The following PPP1R21 variants were observed in gnomAD, a reference collection of about 807,000 sequenced individuals.
PPP1R21 encodes the protein KLRAQ motif containing 1.
A neutral mutation model predicts 112.8 loss-of-function variants in PPP1R21; 85 were observed. The observed-to-expected ratio is 0.75, with a 90% CI of 0.63 to 0.90. The LOEUF (loss-of-function observed/expected upper bound fraction) is 0.90, where lower values mean the gene tolerates loss of function less well. PPP1R21 is among the 40% of genes least tolerant of loss of function. The pLI, the probability that PPP1R21 is intolerant of heterozygous loss-of-function variation, is 0.00. For missense variants in PPP1R21, 1,199 were observed against 901.5 expected, an observed-to-expected ratio of 1.33 and a Z score of -4.23; for synonymous variants, 381 against 322.3, an observed-to-expected ratio of 1.18 and a Z score of -1.95.
At chr2:48,453,176 A>G (rs1035850450) in intron 2 of PPP1R21, among the ~76,000 whole-genome samples, 4 of 150,954 alleles carry the variant, frequency 2.6e-5, no homozygotes, top group South Asian at 2.1e-4. Flanking sequence ...CCAGTTTCAA[A>G]CTCCTGACCT....
chr2:48,486,649 G>C lies in PPP1R21; in HGVS notation c.1337G>C (p.Ser446Thr), dbSNP rs1279129125. The C allele has an allele frequency of 1.2e-6, 2 of 1,611,312 alleles. No individual in the cohort carries two copies. ...TTTATAGATATTTCCAAACATTATA[G>C]TCAAAAAGCTGCAATAGAGCATGAA... ...DVMKDISKHYSQKAAIEHELP... is the reference protein window; with the variant it reads ...DVMKDISKHYTQKAAIEHELP... The change falls in exon 14 of 22, where the codon AGT becomes ACT. Residue 446 changes from serine (S) to threonine (T), a missense_variant. Coordinates refer to ENST00000294952, the MANE Select transcript of PPP1R21 (RefSeq NM_001135629.3).
chr2:48,463,121 G>GA lies in PPP1R21; in HGVS notation c.695-1813dup, dbSNP rs199516168. On this transcript the variant is annotated intron_variant, in intron 7 of 21. Coordinates refer to ENST00000294952, the MANE Select transcript of PPP1R21 (RefSeq NM_001135629.3). ...ACTGCTGATGTATGCCTTTCTAAAT[G>GA]AAAGACTAGACTTTGGCAGAGAAAC... is the stretch of plus-strand genomic sequence containing the variant. Among the ~76,000 whole-genome samples, 1,437 of 152,296 alleles carry GA rather than the reference G, an allele frequency of 9.4e-3. 15 individuals are homozygous for GA. Among genetic ancestry groups the GA allele is most frequent in the Non-Finnish European group, 0.015 (1,036 of 68,026 alleles).
rs796602070 is a variant in PPP1R21, at chr2:48,478,264, C to T, written c.1226-1660C>T. On this transcript the variant is annotated intron_variant, in intron 12 of 21. Transcript: ENST00000294952. Reference sequence around the variant, plus strand: ...CCACCTTGTTTGTGGTACTTCATTACAGCAGCACTAGGAAATTAATACAGG... The same window carrying T: ...CCACCTTGTTTGTGGTACTTCATTATAGCAGCACTAGGAAATTAATACAGG... 6.6e-5 allele frequency among the ~76,000 whole-genome samples: 10 copies of T among 152,340 alleles called. 1 individual carries two copies. The highest frequency in any genetic ancestry group is 2.4e-4 in the African/African-American group (10 of 41,562).
intron 15 of PPP1R21, among the ~76,000 whole-genome samples, chr2:48,491,506 G>A (rs2103941367): frequency 6.6e-6 from 1 of 150,566 alleles, no homozygotes; most frequent in East Asian, 1.9e-4. Flanking sequence ...ATATGTGTAT[G>A]ACTTTTTTCT....
intron 9 of PPP1R21, among the ~76,000 whole-genome samples, chr2:48,469,379 GCATATATAT>G (rs377713505): frequency 0.014 from 848 of 61,202 alleles, 53 homozygotes; most frequent in Non-Finnish European, 0.024. Context: ...TATATATATA[GCATATATAT>G]ATAGAGCATA....
At chr2:48,454,192 C>A (rs992869712) in intron 2 of PPP1R21, among the ~76,000 whole-genome samples, 2 of 152,082 alleles carry the variant, frequency 1.3e-5, no homozygotes, top group Admixed American at 1.3e-4. Context: ...ACTCGGGTGG[C>A]GGAGGTTGCA....
chr2:48,487,472 C>G (rs1457045472), intron 14 of PPP1R21, among the ~76,000 whole-genome samples: 1 of 151,984 alleles, frequency 6.6e-6, no homozygotes, highest in Non-Finnish European at 1.5e-5. Flanking sequence ...CTTTAAGAAT[C>G]CTTTGATAAG....
chr2:48,510,211 A>G lies in PPP1R21; in HGVS notation c.2184+98A>G, dbSNP rs1411361043. ...TTTTCCAAAGGCATTTGATCTCTAG[A>G]TATGCTTTTTAAGATAACCACTGTA... On this transcript the variant is annotated intron_variant, in intron 20 of 21. Coordinates refer to ENST00000294952, the MANE Select transcript of PPP1R21 (RefSeq NM_001135629.3). 5 of 790,806 alleles carry G rather than the reference A, an allele frequency of 6.3e-6. No individual in the cohort carries two copies. In the Admixed American group the frequency reaches 1.4e-4, roughly 22 times the overall value. 49.0% of individuals were successfully genotyped at this position (790,806 alleles called of 1,614,324 possible). A position where few individuals can be genotyped will look rare whatever the true frequency, so the allele number is the denominator to read the frequency against.
At chr2:48,467,049 A>G (rs999919588) in intron 9 of PPP1R21, among the ~76,000 whole-genome samples, 2 of 152,196 alleles carry the variant, frequency 1.3e-5, no homozygotes, top group African/African-American at 2.4e-5. Flanking sequence ...TTGTACTCAC[A>G]GTGTAACTTT....
At chr2:48,459,622 G>A in intron 4 of PPP1R21, 132 bp from the exon 5 acceptor site, 1 of 891,736 alleles carries the variant, frequency 1.1e-6, no homozygotes, top group East Asian at 2.7e-5. Flanking sequence ...ATGAGATAAT[G>A]CCTGTGTGGG....
intron 9 of PPP1R21, among the ~76,000 whole-genome samples, chr2:48,467,753 A>G (rs771854994): frequency 7.2e-5 from 11 of 152,356 alleles, no homozygotes; most frequent in Non-Finnish European, 1.6e-4. Context: ...CACAGACCAG[A>G]CCAACCTTGA....
intron 12 of PPP1R21, among the ~76,000 whole-genome samples, chr2:48,478,536 G>C (rs895054382): frequency 6.6e-6 from 1 of 152,158 alleles, no homozygotes. Flanking sequence ...GCTGATTGCT[G>C]ATTGATTGCT....
chr2:48,492,209 T>C (rs1669597431), intron 15 of PPP1R21, among the ~76,000 whole-genome samples: 1 of 152,218 alleles, frequency 6.6e-6, no homozygotes, highest in South Asian at 2.1e-4. Flanking sequence ...AGTTCCTCTC[T>C]AGAGGTAACC....
chr2:48,460,685 C>G (rs144858429), intron 6 of PPP1R21, among the ~76,000 whole-genome samples: 72 of 152,136 alleles, frequency 4.7e-4, no homozygotes, highest in Middle Eastern at 3.4e-3. Flanking sequence ...GAATTACATG[C>G]ATGATTTAGA....
At chr2:48,448,894 A>T (rs1317970188) in intron 1 of PPP1R21, among the ~76,000 whole-genome samples, 2 of 152,198 alleles carry the variant, frequency 1.3e-5, no homozygotes, top group Non-Finnish European at 2.9e-5. Context: ...ATTGTACCTC[A>T]AAAGCAACCA....
chr2:48,444,542 A>T (rs1357380721), intron 1 of PPP1R21, among the ~76,000 whole-genome samples: 1 of 152,176 alleles, frequency 6.6e-6, no homozygotes, highest in East Asian at 1.9e-4. Context: ...TCTTTGCGGG[A>T]GCACTCTTGC....
intron 19 of PPP1R21, among the ~76,000 whole-genome samples, chr2:48,509,428 G>A (rs1011229975): frequency 2.6e-5 from 4 of 151,648 alleles, no homozygotes; most frequent in African/African-American, 7.3e-5. Context: ...TGTAAAGAAC[G>A]GGTGCTGTGG....
In PPP1R21 at chr2:48,514,902, A is replaced by C; in HGVS notation, c.*158A>C. The C allele has an allele frequency of 1.5e-6, 1 of 646,726 alleles. No homozygotes were observed. The highest frequency in any genetic ancestry group is 2.7e-5 in the East Asian group (1 of 36,372). The allele number at this position is 646,726 out of a possible 1,614,324, so 40.1% of individuals were successfully genotyped here. On this transcript the variant is annotated 3_prime_UTR_variant, in exon 22 of 22. Coordinates refer to ENST00000294952, the MANE Select transcript of PPP1R21 (RefSeq NM_001135629.3). The stretch of plus-strand genomic sequence containing the variant: ...TGTTGGAAACGGCCTTGAAATATTT[A>C]AAACATATTTGTAACCAGTGAGGCA...
intron 3 of PPP1R21, among the ~76,000 whole-genome samples, chr2:48,456,919 G>T (rs1667753049): frequency 6.6e-6 from 1 of 152,090 alleles, no homozygotes; most frequent in African/African-American, 2.4e-5. Context: ...CAGCATGGTG[G>T]TATGTGCCTG....
Sources: gnomAD v4.1 joint callset for allele counts (sites outside exome capture counted in the v4.1 genomes callset) on GRCh38, gnomAD v4.1.1 for gene constraint, MANE v1.5 for transcripts, NCBI Gene and HGNC (gene_info 2026-07-23, HGNC 2026-07-21) for gene names.